The following MALRD1 variants were observed in gnomAD, a reference collection of about 807,000 sequenced individuals.
MALRD1 encodes the protein MAM and LDL-receptor class A domain-containing protein 1.
MALRD1 carries 247 observed loss-of-function variants against 242.1 expected under a neutral mutation model. The ratio of observed to expected loss-of-function variants is 1.02; its 90% CI spans 0.92 to 1.13. The LOEUF (loss-of-function observed/expected upper bound fraction) is 1.13, where lower values mean the gene tolerates loss of function less well. MALRD1 is among the 50% of genes most tolerant of loss of function. The pLI is 0.00. For synonymous variants in MALRD1, 995 were observed against 866.6 expected (o/e 1.15, Z -2.60); for missense variants, 2,989 against 2,533.1 (o/e 1.18, Z -3.86).
chr10:19,158,258 G>A (rs1015057130), intron 12 of MALRD1, among the ~76,000 whole-genome samples: 21 of 152,186 alleles, frequency 1.4e-4, no homozygotes, highest in African/African-American at 5.1e-4. Flanking sequence ...TTAAATACAG[G>A]AAGATGGATA....
intron 36 of MALRD1, among the ~76,000 whole-genome samples, chr10:19,689,308 G>A (rs974104971): frequency 6.6e-6 from 1 of 152,094 alleles, no homozygotes; most frequent in Non-Finnish European, 1.5e-5. Context: ...ACATACCTTA[G>A]TTACCTCGGG....
At chr10:19,097,292 A>G (rs926393813) in intron 4 of MALRD1, among the ~76,000 whole-genome samples, 2 of 152,138 alleles carry the variant, frequency 1.3e-5, no homozygotes, top group Non-Finnish European at 2.9e-5. Flanking sequence ...CTGAGCCATA[A>G]TAATGTTTTT....
intron 19 of MALRD1, among the ~76,000 whole-genome samples, chr10:19,274,258 G>A (rs1840394779): frequency 6.6e-6 from 1 of 152,140 alleles, no homozygotes; most frequent in Non-Finnish European, 1.5e-5. Flanking sequence ...TAAAGAAAAT[G>A]TGGTATATAC....
intron 14 of MALRD1, among the ~76,000 whole-genome samples, chr10:19,182,520 C>T (rs111742709): frequency 0.01 from 1,518 of 151,290 alleles, 25 homozygotes; most frequent in African/African-American, 0.035. Context: ...TTAGTAGAGA[C>T]GGGGTTTCAC....
intron 35 of MALRD1, among the ~76,000 whole-genome samples, chr10:19,613,179 G>GA (rs1295471927): frequency 6.6e-6 from 1 of 151,792 alleles, no homozygotes; most frequent in Non-Finnish European, 1.5e-5. Flanking sequence ...ATGACTTGAG[G>GA]AAAAACCCTG....
At chr10:19,706,406 C>T (rs1833866642) in intron 38 of MALRD1, among the ~76,000 whole-genome samples, 2 of 152,156 alleles carry the variant, frequency 1.3e-5, no homozygotes, top group African/African-American at 4.8e-5. Flanking sequence ...CAGCTCACTG[C>T]AACCTCTGCC....
intron 29 of MALRD1, chr10:19,488,928 T>C: frequency 2.6e-6 from 1 of 385,948 alleles, no homozygotes; most frequent in Non-Finnish European, 5.2e-6. Context: ...ATTACATGGG[T>C]TATTAAGATC....
chr10:19,200,477 A>G (rs1784313932), intron 14 of MALRD1, among the ~76,000 whole-genome samples: 1 of 152,114 alleles, frequency 6.6e-6, no homozygotes, highest in African/African-American at 2.4e-5. Context: ...TGTGAGGCCC[A>G]AATTACCAGC....
chr10:19,636,859 A>G (rs1012875744), intron 36 of MALRD1, among the ~76,000 whole-genome samples: 17 of 148,610 alleles, frequency 1.1e-4, no homozygotes, highest in East Asian at 6.0e-4. Context: ...AGACTGTGCC[A>G]TTGCACTCCA....
At chr10:19,254,188 A>T (rs905753204) in intron 18 of MALRD1, among the ~76,000 whole-genome samples, 1 of 151,990 alleles carries the variant, frequency 6.6e-6, no homozygotes, top group African/African-American at 2.4e-5. Flanking sequence ...GACTTTTCTA[A>T]AATGGCATAA....
At chr10:19,651,670 G>C (rs1326087714) in intron 36 of MALRD1, among the ~76,000 whole-genome samples, 7 of 152,120 alleles carry the variant, frequency 4.6e-5, no homozygotes, top group Non-Finnish European at 7.4e-5. Flanking sequence ...TTAATATAAT[G>C]GGAGAGACAG....
At chr10:19,379,114 C>G (rs1458395848) in intron 26 of MALRD1, among the ~76,000 whole-genome samples, 1 of 152,012 alleles carries the variant, frequency 6.6e-6, no homozygotes, top group East Asian at 1.9e-4. Flanking sequence ...CCTTTATTAT[C>G]TTTTTAAACT....
intron 21 of MALRD1, among the ~76,000 whole-genome samples, chr10:19,312,478 A>G (rs187563095): frequency 1.3e-5 from 2 of 150,604 alleles, no homozygotes; most frequent in Admixed American, 1.3e-4. Context: ...GCACAGAGGT[A>G]TAAGGGATTA....
intron 31 of MALRD1, among the ~76,000 whole-genome samples, chr10:19,515,920 C>A (rs954018804): frequency 9.2e-5 from 14 of 152,152 alleles, no homozygotes; most frequent in African/African-American, 3.4e-4. Context: ...ATAAGGACAT[C>A]ATTCACATGG....
intron 14 of MALRD1, among the ~76,000 whole-genome samples, chr10:19,193,541 G>A (rs1434925987): frequency 1.3e-5 from 2 of 152,068 alleles, no homozygotes; most frequent in Admixed American, 6.6e-5. Flanking sequence ...GCAACACAGC[G>A]AGACCCCATC....
chr10:19,466,990 T>C (rs2131120151), intron 29 of MALRD1, among the ~76,000 whole-genome samples: 1 of 152,208 alleles, frequency 6.6e-6, no homozygotes, highest in Admixed American at 6.5e-5. Flanking sequence ...GCCTGGCGTC[T>C]GTCTCTCGCT....
chr10:19,664,281 T>G (rs927807605), intron 36 of MALRD1, among the ~76,000 whole-genome samples: 2 of 152,160 alleles, frequency 1.3e-5, no homozygotes, highest in African/African-American at 4.8e-5. Flanking sequence ...AATTTAATGA[T>G]TAATTAGATC....
At chr10:19,321,817 A>G (rs1301710277) in intron 21 of MALRD1, among the ~76,000 whole-genome samples, 1 of 152,152 alleles carries the variant, frequency 6.6e-6, no homozygotes, top group Non-Finnish European at 1.5e-5. Context: ...AATTAAAAAG[A>G]CTTTAGCAGG....
At chr10:19,245,134 T>C (rs1838981892) in intron 18 of MALRD1, among the ~76,000 whole-genome samples, 1 of 152,220 alleles carries the variant, frequency 6.6e-6, no homozygotes, top group Non-Finnish European at 1.5e-5. Flanking sequence ...TTTGTTTCAA[T>C]GTTGAAATGT....
Sources: gnomAD v4.1 joint callset for allele counts (sites outside exome capture counted in the v4.1 genomes callset) on GRCh38, gnomAD v4.1.1 for gene constraint, MANE v1.5 for transcripts, NCBI Gene and HGNC (gene_info 2026-07-23, HGNC 2026-07-21) for gene names.